ADGRL3: variants seen among roughly 807,000 people sequenced by gnomAD.
ADGRL3 encodes the protein calcium-independent alpha-latrotoxin receptor 3.
ADGRL3 carries 62 observed loss-of-function variants against 153.5 expected under a neutral mutation model. The ratio of observed to expected loss-of-function variants is 0.40; its 90% CI spans 0.33 to 0.50. The LOEUF (loss-of-function observed/expected upper bound fraction) is 0.50, where lower values mean the gene tolerates loss of function less well. Ranked by LOEUF, ADGRL3 falls within the 20% of genes least tolerant of loss-of-function variation. ADGRL3 has a pLI of 0.47. For missense variants in ADGRL3, 1,641 were observed against 1,859.4 expected (o/e 0.88, Z 2.16); for synonymous variants, 710 against 672.5 (o/e 1.06, Z -0.86).
intron 8 of ADGRL3, among the ~76,000 whole-genome samples, chr4:61,779,690 A>G (rs1452528207): frequency 2.0e-5 from 3 of 150,906 alleles, no homozygotes; most frequent in Non-Finnish European, 4.4e-5. Context: ...TTCCATAGCT[A>G]CTACTAGGTT....
chr4:62,033,571 G>A (rs1419087641), intron 23 of ADGRL3, among the ~76,000 whole-genome samples: 1 of 151,638 alleles, frequency 6.6e-6, no homozygotes, highest in African/African-American at 2.4e-5. Context: ...TGAGGAAGAT[G>A]TCTAGATTTG....
Position 61,947,142 on chromosome 4 carries a change from G to A in ADGRL3, c.2628+20G>A, listed in dbSNP as rs773015948. The A allele has an allele frequency of 6.3e-7, 1 of 1,577,574 alleles. No homozygotes were observed. ...ATCAAGGTAAGAAAATGGCATATTA[G>A]CTTGGTTGTTCATATTATCTGTATT... On this transcript the variant is annotated intron_variant, in intron 16 of 26. Transcript: ENST00000683033.
In ADGRL3 at chr4:61,446,699, A is replaced by G. The variant is rs150278215; in HGVS notation, c.-173-50422A>G. Among the ~76,000 whole-genome samples the G allele has an allele frequency of 1.1e-4, 16 of 152,320 alleles. No homozygotes were observed. The East Asian group carries it at 3.1e-3, about 29-fold the overall frequency. On this transcript the variant is annotated intron_variant, in intron 2 of 26. Coordinates refer to ENST00000683033, the MANE Select transcript of ADGRL3 (RefSeq NM_001387552.1). ...TTGTAAATGTGGAGCTCTGAGTCCAATTCAGTAGTATGAGGACATAAAATG... is the reference window on the plus strand; with the variant it reads ...TTGTAAATGTGGAGCTCTGAGTCCAGTTCAGTAGTATGAGGACATAAAATG...
intron 8 of ADGRL3, among the ~76,000 whole-genome samples, chr4:61,793,018 T>A (rs1042283683): frequency 1.3e-5 from 2 of 150,200 alleles, no homozygotes; most frequent in Non-Finnish European, 3.0e-5. Flanking sequence ...CACAGTTCCA[T>A]GTGGCTGGGG....
chr4:61,652,260 T>G (rs2094286582), intron 5 of ADGRL3, among the ~76,000 whole-genome samples: 2 of 152,142 alleles, frequency 1.3e-5, no homozygotes, highest in Non-Finnish European at 2.9e-5. Context: ...TAAAATAGGA[T>G]TTTGTTCATA....
chr4:61,688,526 A>G (rs899389459), intron 6 of ADGRL3, among the ~76,000 whole-genome samples: 2 of 152,150 alleles, frequency 1.3e-5, no homozygotes, highest in Non-Finnish European at 1.5e-5. Flanking sequence ...ATATATTCAA[A>G]CAGCTTTGTA....
intron 25 of ADGRL3, among the ~76,000 whole-genome samples, chr4:62,051,105 T>C (rs549953870): frequency 3.8e-4 from 57 of 149,746 alleles, no homozygotes; most frequent in African/African-American, 1.3e-3. Flanking sequence ...GATATATATA[T>C]ACAAAGAATA....
At chr4:62,012,670 A>G (rs1560505236) in intron 21 of ADGRL3, among the ~76,000 whole-genome samples, 1 of 152,182 alleles carries the variant, frequency 6.6e-6, no homozygotes, top group African/African-American at 2.4e-5. Flanking sequence ...CAGTTTAGAT[A>G]ATTTTCTAGG....
In ADGRL3 at chr4:61,369,907, T is replaced by G. The variant is rs1309805715; in HGVS notation, c.-239-13217T>G. 2.6e-5 allele frequency among the ~76,000 whole-genome samples: 4 copies of G among 152,062 alleles called. No homozygotes were observed. The East Asian group carries it at 5.8e-4, about 22-fold the overall frequency. The stretch of plus-strand genomic sequence containing the variant: ...TATTGATTATTGCCACAATTTCAGA[T>G]CCTATTATTGGTCTATTCAGAGATT... On this transcript the variant is annotated intron_variant, in intron 1 of 26. Transcript: ENST00000683033.
chr4:61,846,328 A>C (rs551197087), intron 9 of ADGRL3, among the ~76,000 whole-genome samples: 1 of 152,220 alleles, frequency 6.6e-6, no homozygotes, highest in African/African-American at 2.4e-5. Flanking sequence ...AAAAAAAAAA[A>C]AATTCATAAA....
rs1457930612 is a variant in ADGRL3, at chr4:61,738,610, TC to T, written c.1399+5057del. On this transcript the variant is annotated intron_variant, in intron 8 of 26. Transcript: ENST00000683033. ...AAAAAAGCTTAACTCCTCAAAGTAT[TC>T]TAAAAGTGGTTTCAGGAGTTATTAA... 1.1e-4 allele frequency among the ~76,000 whole-genome samples: 16 copies of T among 152,312 alleles called. No individual in the cohort carries two copies. The East Asian group carries it at 3.1e-3, about 29-fold the overall frequency.
At chr4:61,787,861 A>G (rs2097295754) in intron 8 of ADGRL3, among the ~76,000 whole-genome samples, 1 of 152,288 alleles carries the variant, frequency 6.6e-6, no homozygotes, top group South Asian at 2.1e-4. Context: ...AAGGTTTAAG[A>G]TGCCTTACCT....
chr4:61,432,573 CCTTTCTTT>C (rs1219373046), intron 2 of ADGRL3, among the ~76,000 whole-genome samples: 397 of 35,718 alleles, frequency 0.011, 15 homozygotes, highest in African/African-American at 0.028. Flanking sequence ...TCTTTCTCTT[CCTTTCTTT>C]CTTTCTTTCT....
At chr4:61,819,134 T>C (rs559705541) in intron 9 of ADGRL3, among the ~76,000 whole-genome samples, 26 of 152,168 alleles carry the variant, frequency 1.7e-4, no homozygotes, top group Admixed American at 7.9e-4. Context: ...ATTCAAATTA[T>C]ACATGCAAAA....
At chr4:61,920,177 T>C (rs1024182363) in intron 13 of ADGRL3, among the ~76,000 whole-genome samples, 2 of 152,190 alleles carry the variant, frequency 1.3e-5, no homozygotes, top group Non-Finnish European at 1.5e-5. Flanking sequence ...AGAATATAAA[T>C]AGATATTATT....
chr4:61,872,201 G>A (rs1161142831), intron 9 of ADGRL3, among the ~76,000 whole-genome samples: 2 of 152,118 alleles, frequency 1.3e-5, no homozygotes, highest in African/African-American at 4.8e-5. Flanking sequence ...ATCATAGTGT[G>A]TGTCGGATGT....
At position 61,914,857 on chromosome 4, in the gene ADGRL3, T is replaced by C. The variant is rs2098737981; in HGVS notation, c.2112+2100T>C. 2.0e-5 allele frequency among the ~76,000 whole-genome samples: 3 copies of C among 152,098 alleles called. 1 individual carries two copies. The highest frequency in any genetic ancestry group is 2.0e-4 in the Admixed American group (3 of 15,242). On this transcript the variant is annotated intron_variant, in intron 13 of 26. Transcript: ENST00000683033. ...AAAGATGAGAGTTACCTTCCTGCTT[T>C]TGCTGTTTTCTCAAATGCCAATGTG...
intron 4 of ADGRL3, among the ~76,000 whole-genome samples, chr4:61,527,044 C>A (rs956288755): frequency 1.3e-5 from 2 of 151,910 alleles, no homozygotes; most frequent in African/African-American, 4.8e-5. Context: ...ACATTATTTG[C>A]AACACATTTT....
intron 8 of ADGRL3, among the ~76,000 whole-genome samples, chr4:61,802,057 T>C (rs943783856): frequency 6.6e-6 from 1 of 152,134 alleles, no homozygotes; most frequent in African/African-American, 2.4e-5. Context: ...GAAATGATCA[T>C]ATGCTAGCCC....
Sources: allele counts gnomAD v4.1 joint callset (sites outside exome capture counted in the v4.1 genomes callset), GRCh38; gene constraint gnomAD v4.1.1; transcripts MANE v1.5; gene names NCBI Gene and HGNC (gene_info 2026-07-23, HGNC 2026-07-21).